TSPAN18: variants seen among roughly 807,000 people sequenced by gnomAD.
TSPAN18 encodes tetraspanin-18.
A neutral mutation model predicts 27.3 loss-of-function variants in TSPAN18; 14 were observed. That is an observed-to-expected ratio of 0.51 (90% CI 0.34 to 0.80). The LOEUF is 0.80. Among genes scored for constraint, TSPAN18 ranks in the 30% least tolerant of loss-of-function variants. The pLI is 0.01. For missense variants in TSPAN18, 268 were observed against 323.9 expected (o/e 0.83, Z 1.32); for synonymous variants, 143 against 136.5 (o/e 1.05, Z -0.33).
At chr11:44,891,414 A>G (rs1858846345) in intron 3 of TSPAN18, among the ~76,000 whole-genome samples, 1 of 152,210 alleles carries the variant, frequency 6.6e-6, no homozygotes, top group African/African-American at 2.4e-5. Context: ...ATTACAGGTC[A>G]GCGGAGAGTG....
chr11:44,836,331 C>G (rs998051640), intron 2 of TSPAN18, among the ~76,000 whole-genome samples: 1 of 152,208 alleles, frequency 6.6e-6, no homozygotes, highest in Non-Finnish European at 1.5e-5. Flanking sequence ...CCACAAAATT[C>G]TCGTAAGCCA....
chr11:44,913,433 A>G (rs1014648402), intron 5 of TSPAN18, among the ~76,000 whole-genome samples: 7 of 152,230 alleles, frequency 4.6e-5, no homozygotes, highest in African/African-American at 1.7e-4. Flanking sequence ...TCAGCCTCCT[A>G]TTGAAAATTT....
rs1479536962 is a variant in TSPAN18, at chr11:44,853,919, G to A, written c.-152-6409G>A. Among the ~76,000 whole-genome samples, 3 of 152,148 alleles carry A rather than the reference G, an allele frequency of 2.0e-5. No individual in the cohort carries two copies. The East Asian group carries it at 5.8e-4, about 29-fold the overall frequency. On this transcript the variant is annotated intron_variant, in intron 2 of 9. Transcript: ENST00000520358. ...TGAGAGGGCAGGGGAGGGAGGAAAG[G>A]AAGGAAAGGAAGGAAGAAAAATTGC...
At chr11:44,763,589 T>G (rs1387503402) in intron 1 of TSPAN18, among the ~76,000 whole-genome samples, 1 of 152,360 alleles carries the variant, frequency 6.6e-6, no homozygotes, top group South Asian at 2.1e-4. Flanking sequence ...TGATTAATTC[T>G]TTTTCCTAGT....
intron 3 of TSPAN18, among the ~76,000 whole-genome samples, chr11:44,902,641 C>T (rs1859303805): frequency 6.6e-6 from 1 of 152,192 alleles, no homozygotes. Flanking sequence ...TCAGCCCTGC[C>T]CACTGCCCTC....
At chr11:44,899,808 T>A (rs1352124181) in intron 3 of TSPAN18, among the ~76,000 whole-genome samples, 1 of 152,212 alleles carries the variant, frequency 6.6e-6, no homozygotes, top group Admixed American at 6.5e-5. Flanking sequence ...CACCTGACCC[T>A]ACAGGCCCCA....
At chr11:44,743,929 C>T (rs1208123667) in intron 1 of TSPAN18, among the ~76,000 whole-genome samples, 1 of 152,198 alleles carries the variant, frequency 6.6e-6, no homozygotes, top group Non-Finnish European at 1.5e-5. Context: ...GGCAGATTTG[C>T]AGCTGTTAGG....
intron 2 of TSPAN18, among the ~76,000 whole-genome samples, chr11:44,774,061 A>G: frequency 6.6e-6 from 1 of 152,088 alleles, no homozygotes; most frequent in East Asian, 1.9e-4. Flanking sequence ...AGCTGTTCTA[A>G]TTAAAAATCT....
At chr11:44,884,296 G>A (rs145493434) in intron 3 of TSPAN18, among the ~76,000 whole-genome samples, 28 of 152,280 alleles carry the variant, frequency 1.8e-4, no homozygotes, top group Non-Finnish European at 3.5e-4. Context: ...GCAGGCAGGC[G>A]GACCGAAGCT....
rs113019061 is a variant in TSPAN18 at position 44,758,920 on chromosome 11, T to G, written c.-239-5506T>G. ...CTCCTACCGTGTTTCCTACCCCTGT[T>G]GAAGATAGGCAGCAGGCTATACTGG... On this transcript the variant is annotated intron_variant, in intron 1 of 9. Transcript: ENST00000520358. 9.8e-3 allele frequency among the ~76,000 whole-genome samples: 1,488 copies of G among 152,320 alleles called. 19 individuals carry two copies. Among genetic ancestry groups the G allele is most frequent in the Middle Eastern group, 0.02 (6 of 294 alleles).
intron 2 of TSPAN18, among the ~76,000 whole-genome samples, chr11:44,795,507 G>A (rs574868644): frequency 5.9e-5 from 9 of 152,258 alleles, no homozygotes; most frequent in Non-Finnish European, 1.3e-4. Context: ...GGGGGTACAG[G>A]AAACCAGCTG....
At chr11:44,905,711 A>G (rs1422838466) in intron 3 of TSPAN18, among the ~76,000 whole-genome samples, 1 of 152,210 alleles carries the variant, frequency 6.6e-6, no homozygotes, top group African/African-American at 2.4e-5. Flanking sequence ...ATTGTGTTCA[A>G]TGACTTGCTG....
At chr11:44,907,813 G>C (rs1564990626) in intron 4 of TSPAN18, among the ~76,000 whole-genome samples, 1 of 152,098 alleles carries the variant, frequency 6.6e-6, no homozygotes. Flanking sequence ...CCAGCACTTT[G>C]GGAGGCAGAG....
intron 3 of TSPAN18, among the ~76,000 whole-genome samples, chr11:44,865,458 C>T (rs1858011203): frequency 6.6e-6 from 1 of 152,180 alleles, no homozygotes; most frequent in Non-Finnish European, 1.5e-5. Context: ...TTCTTGCTCC[C>T]ACACGGGTTT....
intron 2 of TSPAN18, among the ~76,000 whole-genome samples, chr11:44,837,714 G>C (rs964096664): frequency 6.6e-6 from 1 of 152,168 alleles, no homozygotes; most frequent in African/African-American, 2.4e-5. Context: ...CCACTGCCCT[G>C]ATCAGTCAGC....
intron 8 of TSPAN18, among the ~76,000 whole-genome samples, chr11:44,924,097 TTGTGTGTGTGTGTG>T (rs57394106): frequency 6.9e-6 from 1 of 145,772 alleles, no homozygotes; most frequent in Non-Finnish European, 1.5e-5. Flanking sequence ...CCTTCTGGGG[TTGTGTGTGTGTGTG>T]TGTGTGTGTG....
chr11:44,885,038 T>C (rs543461380), intron 3 of TSPAN18, among the ~76,000 whole-genome samples: 4 of 152,348 alleles, frequency 2.6e-5, no homozygotes, highest in African/African-American at 9.6e-5. Flanking sequence ...GTCCACGTGC[T>C]CTCTATGGCT....
chr11:44,743,789 G>T (rs1855005937), intron 1 of TSPAN18, among the ~76,000 whole-genome samples: 1 of 152,114 alleles, frequency 6.6e-6, no homozygotes, highest in South Asian at 2.1e-4. Context: ...GCCTTCCTTG[G>T]GCCCAGAGCT....
chr11:44,908,203 A>G (rs1181382686), intron 4 of TSPAN18, among the ~76,000 whole-genome samples: 3 of 152,078 alleles, frequency 2.0e-5, no homozygotes, highest in Non-Finnish European at 4.4e-5. Flanking sequence ...AAGGTCGCCT[A>G]CAAATGCCCC....
Sources: gnomAD v4.1 joint callset for allele counts (sites outside exome capture counted in the v4.1 genomes callset) on GRCh38, gnomAD v4.1.1 for gene constraint, MANE v1.5 for transcripts, NCBI Gene and HGNC (gene_info 2026-07-23, HGNC 2026-07-21) for gene names.